The following SOX5 variants were observed in gnomAD, a reference collection of about 807,000 sequenced individuals.
SOX5 encodes SRY-box transcription factor 5.
A neutral mutation model predicts 92.0 loss-of-function variants in SOX5; 9 were observed. The ratio of observed to expected loss-of-function variants is 0.10; its 90% CI spans 0.06 to 0.17. The LOEUF (loss-of-function observed/expected upper bound fraction) is 0.17, where lower values mean the gene tolerates loss of function less well. Among genes scored for constraint, SOX5 ranks in the 10% least tolerant of loss-of-function variants. SOX5 has a pLI of 1.00. For missense variants in SOX5, 642 were observed against 944.5 expected, an observed-to-expected ratio of 0.68 and a Z score of 4.20; for synonymous variants, 344 against 336.3, an observed-to-expected ratio of 1.02 and a Z score of -0.25.
At chr12:24,429,114 G>C (rs1937701449) in intron 1 of SOX5, among the ~76,000 whole-genome samples, 2 of 152,006 alleles carry the variant, frequency 1.3e-5, no homozygotes, top group South Asian at 4.1e-4. Flanking sequence ...TCAGGAGATC[G>C]AGACCATCCT....
intron 10 of SOX5, among the ~76,000 whole-genome samples, chr12:23,571,724 G>T (rs1321773079): frequency 6.6e-6 from 1 of 152,016 alleles, no homozygotes; most frequent in Non-Finnish European, 1.5e-5. Flanking sequence ...TAAAGCTGAG[G>T]TAATAAATAT....
At chr12:23,983,322 A>G (rs1949769615) in intron 4 of SOX5, among the ~76,000 whole-genome samples, 1 of 152,126 alleles carries the variant, frequency 6.6e-6, no homozygotes, top group Admixed American at 6.6e-5. Context: ...TTTGTTGGGT[A>G]GTGCCAAGCT....
intron 3 of SOX5, among the ~76,000 whole-genome samples, chr12:23,809,415 A>G (rs542536772): frequency 6.6e-6 from 1 of 152,196 alleles, no homozygotes; most frequent in South Asian, 2.1e-4. Context: ...ATTAGTATAG[A>G]GCATTATTCA....
chr12:24,353,902 G>A (rs1224407222), intron 2 of SOX5, among the ~76,000 whole-genome samples: 2 of 152,020 alleles, frequency 1.3e-5, no homozygotes, highest in African/African-American at 4.8e-5. Flanking sequence ...GCCTCCCATA[G>A]TGCTGGGATT....
At chr12:24,221,864 G>T (rs1382292828) in intron 3 of SOX5, among the ~76,000 whole-genome samples, 9 of 152,306 alleles carry the variant, frequency 5.9e-5, no homozygotes, top group South Asian at 4.1e-4. Flanking sequence ...ATTGGGGAAA[G>T]AACTTTTCAT....
chr12:23,561,638 A>G (rs1012073654), intron 11 of SOX5, among the ~76,000 whole-genome samples: 13 of 152,132 alleles, frequency 8.5e-5, no homozygotes, highest in African/African-American at 3.1e-4. Flanking sequence ...CATACCATCA[A>G]AGTACTTTTA....
chr12:24,313,605 G>GATC (rs1167184056), intron 2 of SOX5, among the ~76,000 whole-genome samples: 1 of 152,186 alleles, frequency 6.6e-6, no homozygotes, highest in Non-Finnish European at 1.5e-5. Flanking sequence ...TGGTCTTGAT[G>GATC]ATGAACTGAT....
intron 1 of SOX5, among the ~76,000 whole-genome samples, chr12:24,445,033 T>C (rs555026290): frequency 8.5e-5 from 13 of 152,268 alleles, no homozygotes; most frequent in Middle Eastern, 3.4e-3. Flanking sequence ...CTGAAAGAAC[T>C]GAGATAGTAA....
upstream of SOX5, among the ~76,000 whole-genome samples, chr12:23,951,845 C>G (rs1275886120): frequency 1.3e-5 from 2 of 152,142 alleles, no homozygotes; most frequent in South Asian, 2.1e-4. Flanking sequence ...ATATTACTCA[C>G]TATTCTTTCT....
intron 2 of SOX5, among the ~76,000 whole-genome samples, chr12:23,851,153 G>A (rs1242460844): frequency 6.6e-6 from 1 of 151,830 alleles, no homozygotes; most frequent in Non-Finnish European, 1.5e-5. Flanking sequence ...AGGTATATAT[G>A]TTAATATCTT....
At chr12:23,858,157 T>G (rs2096716026) in intron 2 of SOX5, among the ~76,000 whole-genome samples, 1 of 152,110 alleles carries the variant, frequency 6.6e-6, no homozygotes, top group African/African-American at 2.4e-5. Context: ...CAATGTATGT[T>G]ACTTTCCTAT....
intron 2 of SOX5, among the ~76,000 whole-genome samples, chr12:23,871,665 C>G (rs1245927470): frequency 1.3e-5 from 2 of 151,968 alleles, no homozygotes; most frequent in Non-Finnish European, 2.9e-5. Flanking sequence ...TAAATAAATA[C>G]AACAAAATAT....
intron 1 of SOX5, among the ~76,000 whole-genome samples, chr12:23,946,433 G>A (rs1944600278): frequency 6.6e-6 from 1 of 151,848 alleles, no homozygotes; most frequent in Admixed American, 6.6e-5. Context: ...AAATTAAAAG[G>A]AAAGAAATAG....
intron 3 of SOX5, among the ~76,000 whole-genome samples, chr12:23,819,717 T>C (rs773139649): frequency 7.2e-5 from 11 of 152,180 alleles, no homozygotes; most frequent in Non-Finnish European, 1.5e-4. Flanking sequence ...CTGAGAATGA[T>C]GGTTTCCAGT....
At chr12:24,302,762 G>T (rs1056779291) in intron 2 of SOX5, among the ~76,000 whole-genome samples, 1 of 152,074 alleles carries the variant, frequency 6.6e-6, no homozygotes, top group Admixed American at 6.6e-5. Flanking sequence ...CATCATTGTT[G>T]CCCAGAATCA....
At chr12:23,645,705 C>A (rs1032215631) in intron 7 of SOX5, among the ~76,000 whole-genome samples, 1 of 152,042 alleles carries the variant, frequency 6.6e-6, no homozygotes, top group African/African-American at 2.4e-5. Flanking sequence ...ATGTTATAAT[C>A]TTTTTATTTC....
chr12:24,061,897 T>C (rs1028187742), intron 4 of SOX5, among the ~76,000 whole-genome samples: 1 of 152,214 alleles, frequency 6.6e-6, no homozygotes, highest in African/African-American at 2.4e-5. Context: ...CATTACTATA[T>C]GAAGTATTCT....
chr12:24,000,573 T>A (rs1010444313), intron 4 of SOX5, among the ~76,000 whole-genome samples: 1 of 152,128 alleles, frequency 6.6e-6, no homozygotes, highest in African/African-American at 2.4e-5. Context: ...TGTTTGTGTA[T>A]AGTAAGTAAA....
intron 4 of SOX5, among the ~76,000 whole-genome samples, chr12:24,189,721 A>G (rs1956343679): frequency 1.3e-5 from 2 of 152,246 alleles, no homozygotes; most frequent in South Asian, 2.1e-4. Flanking sequence ...TTCTCAGTAA[A>G]GTCATATTGT....
Sources: allele counts gnomAD v4.1 joint callset (sites outside exome capture counted in the v4.1 genomes callset), GRCh38; gene constraint gnomAD v4.1.1; transcripts MANE v1.5; gene names NCBI Gene and HGNC (gene_info 2026-07-23, HGNC 2026-07-21).